The following CPNE4 variants were observed in gnomAD, a reference collection of about 807,000 sequenced individuals.
CPNE4 encodes the protein copine 4.
Under a neutral mutation model 67.9 loss-of-function variants are expected in CPNE4, and 25 were observed. That is an observed-to-expected ratio of 0.37 (90% CI 0.27 to 0.51). CPNE4 has a LOEUF of 0.51. Among genes scored for constraint, CPNE4 ranks in the 20% least tolerant of loss-of-function variants. The pLI, the probability that CPNE4 is intolerant of heterozygous loss-of-function variation, is 0.93. For synonymous variants in CPNE4, 242 were observed against 244.9 expected (o/e 0.99, Z 0.11); for missense variants, 464 against 690.8 (o/e 0.67, Z 3.68).
chr3:132,033,525 C>A (rs2074284757), intron 1 of CPNE4, among the ~76,000 whole-genome samples: 2 of 152,148 alleles, frequency 1.3e-5, no homozygotes, highest in Non-Finnish European at 2.9e-5. Context: ...CCTTTCCCCC[C>A]TCCACTTCCC....
intron 2 of CPNE4, among the ~76,000 whole-genome samples, chr3:131,749,543 G>A (rs966162100): frequency 1.3e-5 from 2 of 151,916 alleles, no homozygotes; most frequent in Admixed American, 6.6e-5. Flanking sequence ...GCTGAGAGAG[G>A]GGTGTACTGA....
At chr3:131,868,737 T>C (rs934694352) in intron 2 of CPNE4, among the ~76,000 whole-genome samples, 1 of 152,152 alleles carries the variant, frequency 6.6e-6, no homozygotes, top group Non-Finnish European at 1.5e-5. Flanking sequence ...AAATAGATAA[T>C]AGTAACCATT....
chr3:131,813,647 G>A (rs1560376597), intron 2 of CPNE4, among the ~76,000 whole-genome samples: 1 of 151,998 alleles, frequency 6.6e-6, no homozygotes, highest in Non-Finnish European at 1.5e-5. Flanking sequence ...CTAAGTCTGA[G>A]AGAAACAGGT....
chr3:132,034,551 G>A lies in CPNE4; in HGVS notation c.-2+16C>T. 1 of 978,272 alleles carries A rather than the reference G, an allele frequency of 1.0e-6. No individual in the cohort carries two copies. Among genetic ancestry groups the A allele is most frequent in the South Asian group, 4.7e-5 (1 of 21,124 alleles). The allele number at this position is 978,272 out of a possible 1,614,324, so 60.6% of individuals were successfully genotyped here. ...CGCCCCAGGAACACAGGAATGAAGA[G>A]TTGGCATTTACTTACCTGGGTGTGC... On this transcript the variant is annotated intron_variant, in intron 1 of 15. Transcript: ENST00000429747.
At chr3:131,933,821 T>C (rs904299627) in intron 1 of CPNE4, among the ~76,000 whole-genome samples, 2 of 151,104 alleles carry the variant, frequency 1.3e-5, no homozygotes, top group African/African-American at 2.4e-5. Flanking sequence ...TTCTCACTTA[T>C]ATGTGAAACC....
chr3:131,686,195 G>C (rs1038407072), intron 5 of CPNE4, among the ~76,000 whole-genome samples: 6 of 152,094 alleles, frequency 3.9e-5, no homozygotes, highest in African/African-American at 1.4e-4. Context: ...ATCCACCCTT[G>C]GCTAGAATGG....
intron 7 of CPNE4, among the ~76,000 whole-genome samples, chr3:131,595,435 G>C (rs539967121): frequency 6.6e-6 from 1 of 152,340 alleles, no homozygotes; most frequent in East Asian, 1.9e-4. Flanking sequence ...GACTGTGTTA[G>C]TGTGTTCTTA....
Position 131,952,618 on chromosome 3 carries a change from G to T in CPNE4, c.-1-47174C>A, listed in dbSNP as rs1252003106. The stretch of plus-strand genomic sequence containing the variant: ...CCAGCCGCCCCGTCCGGAGGGAGGT[G>T]GGGGGGTCAGCCCCCCTCCCGGCCA... On this transcript the variant is annotated intron_variant, in intron 1 of 15. Transcript: ENST00000429747. Among the ~76,000 whole-genome samples, 3 of 137,606 alleles carry T rather than the reference G, an allele frequency of 2.2e-5. No homozygotes were observed. The East Asian group carries it at 6.5e-4, about 30-fold the overall frequency. The allele number at this position is 137,606 out of a possible 152,430, so 90.3% of individuals were successfully genotyped here. A position where few individuals can be genotyped will look rare whatever the true frequency, so the allele number is the denominator to read the frequency against.
At chr3:131,855,282 G>T (rs1056763255) in intron 2 of CPNE4, among the ~76,000 whole-genome samples, 9 of 152,052 alleles carry the variant, frequency 5.9e-5, no homozygotes, top group African/African-American at 2.2e-4. Flanking sequence ...ATATGTTAAG[G>T]CATTGAAACT....
At chr3:131,863,157 A>C (rs1415841726) in intron 2 of CPNE4, among the ~76,000 whole-genome samples, 3 of 152,146 alleles carry the variant, frequency 2.0e-5, no homozygotes, top group Admixed American at 6.6e-5. Flanking sequence ...TGAATAGTGC[A>C]ACAATAAATA....
chr3:131,708,007 G>A (rs768916647), intron 3 of CPNE4, among the ~76,000 whole-genome samples: 2 of 152,168 alleles, frequency 1.3e-5, no homozygotes, highest in Non-Finnish European at 2.9e-5. Context: ...ATATACAAAT[G>A]TTTGGGAAAT....
At chr3:131,801,334 T>TACATATATATATATATGTACC (rs1259859909) in intron 2 of CPNE4, among the ~76,000 whole-genome samples, 1 of 120,432 alleles carries the variant, frequency 8.3e-6, no homozygotes, top group Non-Finnish European at 1.6e-5. Context: ...CTGGAAACCA[T>TACATATATATATATATGTACC]ACATATATAT....
At chr3:132,037,365 C>T (rs2074357657), upstream of CPNE4, among the ~76,000 whole-genome samples, 1 of 152,112 alleles carries the variant, frequency 6.6e-6, no homozygotes, top group African/African-American at 2.4e-5. Flanking sequence ...TTCAAAGAAG[C>T]TTTTTACAGG....
chr3:131,905,346 T>G lies in CPNE4; in HGVS notation c.98A>C (p.Lys33Thr). 6.2e-7 allele frequency: 1 copy of G among 1,613,630 alleles called. No individual in the cohort carries two copies. The highest frequency in any genetic ancestry group is 2.2e-5 in the East Asian group (1 of 44,858). ...LTKVELRVAC[K>T]GISDRDALSK... is the part of the protein sequence containing the mutation. The stretch of plus-strand genomic sequence containing the variant: ...AAGGGCATCTCTGTCAGAAATGCCT[T>G]TGCACGCCACACGCAGCTCAACTTT... The change falls in exon 2 of 16, where the codon AAA becomes ACA. Residue 33 changes from lysine to threonine, a missense_variant. Lys to Thr is a moderately conservative substitution (Grantham distance 78). Coordinates refer to ENST00000429747, the MANE Select transcript of CPNE4 (RefSeq NM_130808.3).
intron 2 of CPNE4, among the ~76,000 whole-genome samples, chr3:131,893,793 A>C (rs1426722658): frequency 6.6e-6 from 1 of 151,996 alleles, no homozygotes; most frequent in African/African-American, 2.4e-5. Context: ...CATCATACCA[A>C]AACCTGTGGA....
At chr3:131,663,918 C>A (rs1307527595) in intron 7 of CPNE4, among the ~76,000 whole-genome samples, 1 of 152,124 alleles carries the variant, frequency 6.6e-6, no homozygotes, top group Non-Finnish European at 1.5e-5. Context: ...GCACCATGGG[C>A]TCAGTTAATA....
At chr3:131,690,531 AAATTAATTCAAGATTGAAT>A (rs1475975392) in intron 5 of CPNE4, among the ~76,000 whole-genome samples, 3 of 152,192 alleles carry the variant, frequency 2.0e-5, no homozygotes, top group Admixed American at 2.0e-4. Context: ...CCATATACAA[AAATTAATTCAAGATTGAAT>A]AAAACTTTAA....
intron 5 of CPNE4, among the ~76,000 whole-genome samples, chr3:131,687,246 C>A (rs527600679): frequency 6.6e-6 from 1 of 152,210 alleles, no homozygotes; most frequent in East Asian, 1.9e-4. Flanking sequence ...TATCTCCATC[C>A]CTTTTAAAAA....
At chr3:131,902,457 A>C (rs2088589138) in intron 2 of CPNE4, among the ~76,000 whole-genome samples, 1 of 152,122 alleles carries the variant, frequency 6.6e-6, no homozygotes, top group African/African-American at 2.4e-5. Context: ...GAAAATCCTC[A>C]AGCACAAAGA....
Sources: gnomAD v4.1 joint callset for allele counts (sites outside exome capture counted in the v4.1 genomes callset) on GRCh38, gnomAD v4.1.1 for gene constraint, MANE v1.5 for transcripts, NCBI Gene and HGNC (gene_info 2026-07-23, HGNC 2026-07-21) for gene names.